SEL1L: variants seen among roughly 807,000 people sequenced by gnomAD.
SEL1L encodes SEL1L adaptor subunit of SYVN1 ubiquitin ligase, also known as protein sel-1 homolog 1.
In SEL1L, 52 loss-of-function variants were observed where a neutral mutation model predicts 109.8. The observed-to-expected ratio is 0.47, with a 90% CI of 0.38 to 0.60. The LOEUF is 0.60. SEL1L is among the 20% of genes least tolerant of loss of function. The pLI, the probability that SEL1L is intolerant of heterozygous loss-of-function variation, is 0.00. For missense variants in SEL1L, 749 were observed against 962.2 expected, an observed-to-expected ratio of 0.78 and a Z score of 2.93; for synonymous variants, 373 against 339.6, an observed-to-expected ratio of 1.10 and a Z score of -1.08.
In SEL1L at chr14:81,524,791, T is replaced by C. The variant is rs377347897; in HGVS notation, c.340+1942A>G. Reference sequence around the variant, plus strand: ...CAGGAGGCTGGGGCAGGAGAATCTCTTGAACCCGGGAGGTGGAGGCTGCAG... The same window carrying C: ...CAGGAGGCTGGGGCAGGAGAATCTCCTGAACCCGGGAGGTGGAGGCTGCAG... On this transcript the variant is annotated intron_variant, in intron 3 of 20. Transcript: ENST00000336735. Among the ~76,000 whole-genome samples the C allele has an allele frequency of 2.2e-3, 328 of 152,208 alleles. 2 individuals carry two copies. The Middle Eastern group carries it at 0.037, about 17-fold the overall frequency.
intron 3 of SEL1L, among the ~76,000 whole-genome samples, chr14:81,511,269 C>T (rs984402886): frequency 6.6e-6 from 1 of 152,192 alleles, no homozygotes; most frequent in Non-Finnish European, 1.5e-5. Flanking sequence ...ATACAAAGCT[C>T]AGCTCTTTCT....
intron 8 of SEL1L, 199 bp downstream of exon 8, chr14:81,499,260 T>C (rs957712070): frequency 6.4e-6 from 8 of 1,243,858 alleles, no homozygotes; most frequent in Non-Finnish European, 8.1e-6. Flanking sequence ...TAAAGAAAAA[T>C]TGTGGACTCC....
chr14:81,484,808 C>CA (rs1207423739), intron 18 of SEL1L, among the ~76,000 whole-genome samples: 4 of 151,618 alleles, frequency 2.6e-5, no homozygotes, highest in East Asian at 1.9e-4. Flanking sequence ...CAAACACAAA[C>CA]AAAAAAAACA....
In SEL1L at chr14:81,484,528, A is replaced by G. The variant is rs371268341; in HGVS notation, c.1874-131T>C. The G allele has an allele frequency of 3.3e-5, 28 of 837,958 alleles. 1 individual carries two copies. The highest frequency in any genetic ancestry group is 2.4e-4 in the East Asian group (9 of 37,870). 51.9% of individuals were successfully genotyped at this position (837,958 alleles called of 1,614,324 possible). A position where few individuals can be genotyped will look rare whatever the true frequency, so the allele number is the denominator to read the frequency against. ...TAATTCATAGTACACAAACTTTGTA[A>G]CAAATCCTTTCAGCCAAGTTATAAA... On this transcript the variant is annotated intron_variant, in intron 18 of 20. Coordinates refer to ENST00000336735, the MANE Select transcript of SEL1L (RefSeq NM_005065.6).
At chr14:81,492,752 C>G (rs1883596275) in intron 11 of SEL1L, among the ~76,000 whole-genome samples, 1 of 152,188 alleles carries the variant, frequency 6.6e-6, no homozygotes, top group Non-Finnish European at 1.5e-5. Context: ...TACCATTTAT[C>G]ATTAAGTCAT....
At chr14:81,507,657 C>A (rs1885599) in intron 3 of SEL1L, among the ~76,000 whole-genome samples, 1 of 149,680 alleles carries the variant, frequency 6.7e-6, no homozygotes. Context: ...GTTTCAGTTA[C>A]AGCTAAAAAA....
At chr14:81,510,498 CTCTCTCTCTCTCTCTCTATATA>C (rs1453843583) in intron 3 of SEL1L, among the ~76,000 whole-genome samples, 1 of 125,552 alleles carries the variant, frequency 8.0e-6, no homozygotes, top group African/African-American at 3.0e-5. Flanking sequence ...CTCTCTCTCT[CTCTCTCTCTCTCTCTCTATATA>C]TATATATATA....
At chr14:81,500,848 A>G (rs1281772810) in intron 6 of SEL1L, among the ~76,000 whole-genome samples, 3 of 152,212 alleles carry the variant, frequency 2.0e-5, no homozygotes, top group African/African-American at 7.2e-5. Context: ...TCTAAAAATA[A>G]AAACACAAAA....
At chr14:81,479,411 C>G (rs1903272456) in intron 20 of SEL1L, 1 of 386,760 alleles carries the variant, frequency 2.6e-6, no homozygotes, top group Non-Finnish European at 4.5e-6. Context: ...CAAACGCTAC[C>G]TAAAAACTGC....
At chr14:81,485,417 A>G (rs1903487422) in intron 18 of SEL1L, among the ~76,000 whole-genome samples, 1 of 151,068 alleles carries the variant, frequency 6.6e-6, no homozygotes, top group African/African-American at 2.4e-5. Flanking sequence ...CTGGGATTAC[A>G]GGAGCCTGCC....
At chr14:81,515,032 G>A (rs573670740) in intron 3 of SEL1L, among the ~76,000 whole-genome samples, 1 of 152,244 alleles carries the variant, frequency 6.6e-6, no homozygotes, top group East Asian at 1.9e-4. Flanking sequence ...TCCCACAGGA[G>A]GACCTCTTAG....
chr14:81,483,137 G>A (rs1903411820), intron 19 of SEL1L, among the ~76,000 whole-genome samples: 1 of 152,256 alleles, frequency 6.6e-6, no homozygotes, highest in East Asian at 1.9e-4. Context: ...AGAATTAAGT[G>A]ACCATGCTAT....
intron 3 of SEL1L, among the ~76,000 whole-genome samples, chr14:81,523,781 T>C (rs113818731): frequency 7.2e-5 from 11 of 152,080 alleles, no homozygotes; most frequent in African/African-American, 2.7e-4. Context: ...TGGTCTCTGA[T>C]GGAGAATCCT....
Position 81,476,169 on chromosome 14 carries a change from G to A in SEL1L, c.*803C>T, listed in dbSNP as rs538972802. ...CACTTAGTCCATCCTCTGGCTTCTG[G>A]ATCAAGGCTCTGTATATTCAAAACA... On this transcript the variant is annotated 3_prime_UTR_variant, in exon 21 of 21. Transcript: ENST00000336735. 3 of 152,252 alleles carry A rather than the reference G, an allele frequency of 2.0e-5. No homozygotes were observed. The highest frequency in any genetic ancestry group is 7.2e-5 in the African/African-American group (3 of 41,548). 9.4% of individuals were successfully genotyped at this position (152,252 alleles called of 1,614,324 possible).
At chr14:81,528,286 C>T (rs923366198) in intron 1 of SEL1L, among the ~76,000 whole-genome samples, 4 of 152,138 alleles carry the variant, frequency 2.6e-5, no homozygotes, top group African/African-American at 9.7e-5. Flanking sequence ...TTGTGTTCTA[C>T]TCTACTCAGA....
chr14:81,484,524 T>G, intron 18 of SEL1L, 127 bp from the exon 19 acceptor site: 1 of 868,460 alleles, frequency 1.2e-6, no homozygotes, highest in Non-Finnish European at 1.7e-6. Context: ...ACACAAACTT[T>G]GTAACAAATC....
chr14:81,516,668 G>A (rs1884713251), intron 3 of SEL1L, among the ~76,000 whole-genome samples: 1 of 152,228 alleles, frequency 6.6e-6, no homozygotes, highest in East Asian at 1.9e-4. Flanking sequence ...TTTTTCTTCT[G>A]GGATTCTACA....
chr14:81,497,196 G>A (rs932821285), intron 10 of SEL1L, among the ~76,000 whole-genome samples: 2 of 150,536 alleles, frequency 1.3e-5, no homozygotes, highest in Admixed American at 6.6e-5. Context: ...GTTTCACTAC[G>A]TTTTTTTTTC....
At chr14:81,492,763 C>G (rs980292680) in intron 11 of SEL1L, among the ~76,000 whole-genome samples, 24 of 152,314 alleles carry the variant, frequency 1.6e-4, no homozygotes, top group African/African-American at 5.8e-4. Flanking sequence ...ATTAAGTCAT[C>G]TGCATAATTA....
Sources: gnomAD v4.1 joint callset for allele counts (sites outside exome capture counted in the v4.1 genomes callset) on GRCh38, gnomAD v4.1.1 for gene constraint, MANE v1.5 for transcripts, NCBI Gene and HGNC (gene_info 2026-07-23, HGNC 2026-07-21) for gene names.